The following PIK3C3 variants were observed in gnomAD, a reference collection of about 807,000 sequenced individuals.
PIK3C3 encodes PI3-kinase type 3.
PIK3C3 carries 95 observed loss-of-function variants against 126.1 expected under a neutral mutation model. That is an observed-to-expected ratio of 0.75 (90% CI 0.64 to 0.89). PIK3C3 has a LOEUF of 0.89. PIK3C3 is among the 40% of genes least tolerant of loss of function. PIK3C3 has a pLI of 0.00. For missense variants in PIK3C3, 829 were observed against 1,063.2 expected (o/e 0.78, Z 3.06); for synonymous variants, 374 against 360.0 (o/e 1.04, Z -0.44).
chr18:42,073,743 AT>A (rs1199441239), intron 24 of PIK3C3, among the ~76,000 whole-genome samples: 1 of 146,452 alleles, frequency 6.8e-6, no homozygotes, highest in Non-Finnish European at 1.5e-5. Context: ...TTTAATTTGT[AT>A]TCCTGTTTTT....
intron 15 of PIK3C3, among the ~76,000 whole-genome samples, chr18:42,030,738 G>A (rs1271386886): frequency 6.6e-6 from 1 of 152,142 alleles, no homozygotes; most frequent in African/African-American, 2.4e-5. Context: ...CCTCTCCCCA[G>A]AGGTGGCTGT....
chr18:42,034,969 A>G (rs1320890390), intron 16 of PIK3C3, among the ~76,000 whole-genome samples: 2 of 152,234 alleles, frequency 1.3e-5, no homozygotes, highest in Non-Finnish European at 2.9e-5. Context: ...TCATAAAGCA[A>G]TCCCTAACTT....
At chr18:42,054,125 GGTATATATAT>G (rs1984926671) in intron 21 of PIK3C3, among the ~76,000 whole-genome samples, 1 of 42,964 alleles carries the variant, frequency 2.3e-5, no homozygotes, top group Admixed American at 3.3e-4. Context: ...CAGAACTAAT[GGTATATATAT>G]ATATATATAT....
Position 41,983,952 on chromosome 18 carries a change from CTT to C in PIK3C3, c.532-3847_532-3846del, listed in dbSNP as rs533824517. Among the ~76,000 whole-genome samples the C allele has an allele frequency of 3.5e-3, 487 of 138,990 alleles. 2 individuals carry two copies. Among genetic ancestry groups the C allele is most frequent in the African/African-American group, 0.012 (453 of 38,304 alleles). The allele number at this position is 138,990 out of a possible 152,430, so 91.2% of individuals were successfully genotyped here. A position where few individuals can be genotyped will look rare whatever the true frequency, so the allele number is the denominator to read the frequency against. ...TGGAGAAGTTAGGGCTAAATTATGC[CTT>C]TTTTTTTTTTTTGTGACAGTGTACT... On this transcript the variant is annotated intron_variant, in intron 4 of 24. Coordinates refer to ENST00000262039, the MANE Select transcript of PIK3C3 (RefSeq NM_002647.4).
intron 10 of PIK3C3, among the ~76,000 whole-genome samples, chr18:42,009,299 C>T (rs1023978396): frequency 2.6e-5 from 4 of 152,128 alleles, no homozygotes; most frequent in African/African-American, 9.7e-5. Flanking sequence ...GCCACATAAT[C>T]TTCCATTTAA....
At chr18:41,985,486 T>A (rs1485364694) in intron 4 of PIK3C3, among the ~76,000 whole-genome samples, 2 of 152,152 alleles carry the variant, frequency 1.3e-5, no homozygotes, top group Non-Finnish European at 2.9e-5. Context: ...AATTTTGCAA[T>A]CGGTTTTGCA....
chr18:42,007,103 C>T (rs373786710), intron 10 of PIK3C3, among the ~76,000 whole-genome samples: 80 of 152,184 alleles, frequency 5.3e-4, no homozygotes, highest in African/African-American at 1.8e-3. Context: ...CTCCTGACAT[C>T]GTGATCCGCC....
In PIK3C3 at chr18:42,076,118, A is replaced by G. The variant is rs867796657; in HGVS notation, c.2650-5005A>G. Among the ~76,000 whole-genome samples, 85 of 66,630 alleles carry G rather than the reference A, an allele frequency of 1.3e-3. 8 individuals carry two copies. Among genetic ancestry groups the G allele is most frequent in the African/African-American group, 6.5e-3 (82 of 12,602 alleles). The allele number at this position is 66,630 out of a possible 152,430, so 43.7% of individuals were successfully genotyped here. A position where few individuals can be genotyped will look rare whatever the true frequency, so the allele number is the denominator to read the frequency against. On this transcript the variant is annotated intron_variant, in intron 24 of 24. Transcript: ENST00000262039. ...TATATATATATATATATATATATAT[A>G]TATGCGCATATATATATATATATAT...
At chr18:41,987,928 TA>T (rs773808315) in intron 5 of PIK3C3, 30 bp downstream of exon 5, 29 of 1,284,062 alleles carry the variant, frequency 2.3e-5, no homozygotes, top group Non-Finnish European at 3.2e-5. Flanking sequence ...TATTTTAAAA[TA>T]TTTTCTGTAA....
intron 24 of PIK3C3, among the ~76,000 whole-genome samples, chr18:42,074,431 T>C (rs1384187064): frequency 6.6e-6 from 1 of 152,150 alleles, no homozygotes; most frequent in Non-Finnish European, 1.5e-5. Context: ...AAATAAACTA[T>C]ATCTTAATTC....
At position 42,046,825 on chromosome 18, in the gene PIK3C3, C is replaced by T. The variant is rs187433179; in HGVS notation, c.2189-2706C>T. On this transcript the variant is annotated intron_variant, in intron 20 of 24. Coordinates refer to ENST00000262039, the MANE Select transcript of PIK3C3 (RefSeq NM_002647.4). ...TGACACTTTAAACTATTGAAGCACT[C>T]TAAATTTTCATCTTTACTATTAAAT... Among the ~76,000 whole-genome samples, 746 of 152,146 alleles carry T rather than the reference C, an allele frequency of 4.9e-3. 9 individuals carry two copies. Among genetic ancestry groups the T allele is most frequent in the South Asian group, 7.5e-3 (36 of 4,826 alleles).
intron 3 of PIK3C3, 128 bp downstream of exon 3, chr18:41,962,760 T>A (rs568683838): frequency 1.4e-6 from 1 of 714,970 alleles, no homozygotes; most frequent in East Asian, 2.8e-5. Flanking sequence ...TACATATGAT[T>A]TGATCATTCC....
At chr18:42,080,503 T>G (rs901262258) in intron 24 of PIK3C3, among the ~76,000 whole-genome samples, 1 of 152,164 alleles carries the variant, frequency 6.6e-6, no homozygotes, top group African/African-American at 2.4e-5. Context: ...TGCCAGTATA[T>G]TTGTATCAAA....
chr18:42,058,101 T>A (rs760939962), intron 22 of PIK3C3, 50 bp downstream of exon 22: 1 of 1,464,016 alleles, frequency 6.8e-7, no homozygotes, highest in South Asian at 1.4e-5. Context: ...TATTTTATTT[T>A]ATAGAACAAG....
chr18:42,040,610 G>A (rs990006484), intron 18 of PIK3C3, 67 bp from the exon 19 acceptor site: 2 of 1,082,926 alleles, frequency 1.8e-6, no homozygotes, highest in Non-Finnish European at 2.8e-6. Flanking sequence ...ATTATTCTTA[G>A]CAGAACCTTT....
intron 15 of PIK3C3, among the ~76,000 whole-genome samples, chr18:42,032,570 G>C (rs1169245568): frequency 6.6e-6 from 1 of 151,868 alleles, no homozygotes; most frequent in Non-Finnish European, 1.5e-5. Flanking sequence ...TAGTGGTAGA[G>C]GTGGTAAGAA....
intron 6 of PIK3C3, among the ~76,000 whole-genome samples, chr18:41,992,757 C>G (rs1360038528): frequency 6.6e-6 from 1 of 152,078 alleles, no homozygotes; most frequent in Non-Finnish European, 1.5e-5. Flanking sequence ...GTTGTTGATT[C>G]TCTAGCTGTG....
At position 42,013,497 on chromosome 18, in the gene PIK3C3, A is replaced by G. The variant is rs774060947; in HGVS notation, c.1226A>G (p.Asp409Gly). The G allele has an allele frequency of 3.8e-6, 6 of 1,591,496 alleles. No individual in the cohort carries two copies. In the South Asian group the frequency reaches 4.6e-5, roughly 12 times the overall value. The change falls in exon 11 of 25, where the codon GAT (aspartate) becomes GGT (glycine). Residue 409 changes from aspartate (D) to glycine (G), a missense_variant. By Grantham distance (94) the Asp-to-Gly change is moderately conservative. Coordinates refer to ENST00000262039, the MANE Select transcript of PIK3C3 (RefSeq NM_002647.4). ...CAGGCTCTCAAATATGAAAATTTTG[A>G]TGATATAAAGAATGGATTGGAACCT... ...LVQALKYENF[D>G]DIKNGLEPTK...
chr18:41,996,905 C>G (rs910259384), intron 9 of PIK3C3, among the ~76,000 whole-genome samples, 175 bp downstream of exon 9: 3 of 152,078 alleles, frequency 2.0e-5, no homozygotes, highest in Non-Finnish European at 4.4e-5. Context: ...TACAAAGACA[C>G]CTGTACCTGT....
Sources: allele counts gnomAD v4.1 joint callset (sites outside exome capture counted in the v4.1 genomes callset), GRCh38; gene constraint gnomAD v4.1.1; transcripts MANE v1.5; gene names NCBI Gene and HGNC (gene_info 2026-07-23, HGNC 2026-07-21).